Variants in KNTC1 observed in about 807,000 individuals in gnomAD.
KNTC1 encodes kinetochore associated 1.
KNTC1 carries 253 observed loss-of-function variants against 314.4 expected under a neutral mutation model. The observed-to-expected ratio is 0.80, with a 90% CI of 0.73 to 0.89. The LOEUF is 0.89. Ranked by LOEUF, KNTC1 falls within the 40% of genes least tolerant of loss-of-function variation. KNTC1 has a pLI of 0.00. For synonymous variants in KNTC1, 901 were observed against 901.4 expected (o/e 1.00, Z 0.01); for missense variants, 2,475 against 2,572.9 (o/e 0.96, Z 0.82).
chr12:122,622,276 CA>C (rs1318425395), intron 61 of KNTC1, among the ~76,000 whole-genome samples, 185 bp from the exon 62 acceptor site: 5 of 152,180 alleles, frequency 3.3e-5, no homozygotes, highest in Admixed American at 6.6e-5. Context: ...CTGATGCTGA[CA>C]GGCCTCCTTT....
chr12:122,575,746 A>G, intron 28 of KNTC1, 54 bp from the exon 29 acceptor site: 1 of 1,517,714 alleles, frequency 6.6e-7, no homozygotes, highest in South Asian at 1.2e-5. Context: ...GCTGTGTCCC[A>G]TAGTACTTCA....
chr12:122,582,642 A>C lies in KNTC1; in HGVS notation c.2983-63A>C. ...ATTATGAAAAAAAAAACTAATGAAAATGATTATTTTAAACAATAGATTAAA... is the reference window on the plus strand; with the variant it reads ...ATTATGAAAAAAAAAACTAATGAAACTGATTATTTTAAACAATAGATTAAA... On this transcript the variant is annotated intron_variant, in intron 33 of 63. Coordinates refer to ENST00000333479, the MANE Select transcript of KNTC1 (RefSeq NM_014708.6). The C allele has an allele frequency of 3.5e-6, 5 of 1,412,896 alleles. No homozygotes were observed. The South Asian group carries it at 7.3e-5, about 21-fold the overall frequency. 87.5% of individuals were successfully genotyped at this position (1,412,896 alleles called of 1,614,324 possible). A position where few individuals can be genotyped will look rare whatever the true frequency, so the allele number is the denominator to read the frequency against.
chr12:122,620,362 T>G (rs1454735537), intron 59 of KNTC1, 117 bp from the exon 60 acceptor site: 1 of 844,548 alleles, frequency 1.2e-6, no homozygotes, highest in African/African-American at 1.7e-5. Flanking sequence ...GCACCAGCAC[T>G]TTAGTGTTTA....
chr12:122,592,204 A>T (rs1280313671), intron 42 of KNTC1, among the ~76,000 whole-genome samples: 1 of 152,224 alleles, frequency 6.6e-6, no homozygotes, highest in East Asian at 1.9e-4. Context: ...GTCCCCCAGC[A>T]GTACCAGCCC....
intron 10 of KNTC1, 25 bp downstream of exon 10, chr12:122,546,699 T>C: frequency 7.1e-7 from 1 of 1,412,282 alleles, no homozygotes; most frequent in Non-Finnish European, 9.8e-7. Context: ...TCTCCTTCAA[T>C]GTTTTTACTT....
At chr12:122,613,072 T>C (rs749446916) in intron 53 of KNTC1, 40 bp from the exon 54 acceptor site, 6 of 1,016,102 alleles carry the variant, frequency 5.9e-6, no homozygotes, top group Non-Finnish European at 9.3e-6. Flanking sequence ...AACTACAATG[T>C]GCAGGTGTTC....
At chr12:122,620,661 T>C (rs932907233) in intron 60 of KNTC1, 53 bp downstream of exon 60, 2 of 1,578,090 alleles carry the variant, frequency 1.3e-6, no homozygotes, top group Admixed American at 1.8e-5. Flanking sequence ...GGTTTCATCT[T>C]GCATGTCCCT....
rs569817639 is a variant in KNTC1 at position 122,623,154 on chromosome 12, C to G, written c.6515+547C>G. ...ACCCCCAAATCAAGTGTCTCACAGCCCTGTTCTAAATCCTACATTACAATT... is the reference window on the plus strand; with the variant it reads ...ACCCCCAAATCAAGTGTCTCACAGCGCTGTTCTAAATCCTACATTACAATT... On this transcript the variant is annotated intron_variant, in intron 62 of 63. Coordinates refer to ENST00000333479, the MANE Select transcript of KNTC1 (RefSeq NM_014708.6). Among the ~76,000 whole-genome samples the G allele has an allele frequency of 2.6e-4, 39 of 152,260 alleles. 1 individual carries two copies. Among genetic ancestry groups the G allele is most frequent in the Admixed American group, 2.2e-3 (34 of 15,286 alleles).
intron 18 of KNTC1, among the ~76,000 whole-genome samples, chr12:122,561,446 A>G (rs999442541): frequency 1.3e-5 from 2 of 151,666 alleles, no homozygotes; most frequent in Non-Finnish European, 2.9e-5. Context: ...TTTGCTATTT[A>G]TTTATTTATT....
intron 44 of KNTC1, among the ~76,000 whole-genome samples, chr12:122,598,976 A>AT (rs555510605): frequency 8.4e-4 from 127 of 151,494 alleles, no homozygotes; most frequent in African/African-American, 2.8e-3. Flanking sequence ...TACCCCAGTA[A>AT]TTTTTTTAAT....
At chr12:122,530,448 A>G (rs1271605368) in intron 2 of KNTC1, among the ~76,000 whole-genome samples, 1 of 151,264 alleles carries the variant, frequency 6.6e-6, no homozygotes, top group Non-Finnish European at 1.5e-5. Context: ...GATACAAAGG[A>G]TATCTTTTTT....
chr12:122,613,167 T>C lies in KNTC1; in HGVS notation c.5678T>C (p.Leu1893Pro). Residue 1893 changes from leucine (L) to proline (P), a missense_variant, in exon 54 of 64, where the codon CTC becomes CCC. Leu to Pro is a moderately conservative substitution (Grantham distance 98, BLOSUM62 -3). Coordinates refer to ENST00000333479, the MANE Select transcript of KNTC1 (RefSeq NM_014708.6). ...FAHRTRALQCLFYLADKETIE... is the reference protein window; with the variant it reads ...FAHRTRALQCPFYLADKETIE... The stretch of plus-strand genomic sequence containing the variant: ...CATAGAACTCGAGCTCTTCAGTGTC[T>C]CTTCTATTTGGCTGACAAGGAAACT... 6.2e-7 allele frequency: 1 copy of C among 1,613,764 alleles called. No individual in the cohort carries two copies.
chr12:122,529,879 C>T (rs118108722), intron 1 of KNTC1, 112 bp from the exon 2 acceptor site: 98 of 505,844 alleles, frequency 1.9e-4, no homozygotes, highest in Middle Eastern at 5.4e-4. Context: ...GTTTAGTGGC[C>T]ACAGCAATAA....
At chr12:122,602,787 T>A in intron 46 of KNTC1, 42 bp from the exon 47 acceptor site, 1 of 1,611,408 alleles carries the variant, frequency 6.2e-7, no homozygotes, top group African/African-American at 1.3e-5. Context: ...TAGCCAAATT[T>A]TTTTTCTTAA....
rs762915098 is a variant in KNTC1, at chr12:122,568,984, C to T, written c.1716+612C>T. On this transcript the variant is annotated intron_variant, in intron 21 of 63. Transcript: ENST00000333479. ...TCTTGGGAGCTAAATGATGAGAACA[C>T]GTGGATGCATGGAGGGAAACACACA... is the stretch of plus-strand genomic sequence containing the variant. 2.6e-5 allele frequency among the ~76,000 whole-genome samples: 4 copies of T among 152,020 alleles called. No individual in the cohort carries two copies. In the East Asian group the frequency reaches 5.8e-4, roughly 22 times the overall value.
rs555696451 is a variant in KNTC1 at position 122,557,973 on chromosome 12, G to A, written c.1488+284G>A. On this transcript the variant is annotated intron_variant, in intron 18 of 63. Coordinates refer to ENST00000333479, the MANE Select transcript of KNTC1 (RefSeq NM_014708.6). ...CCCAAAAGAACCTCTATCCCAGACCGGACGTGGTGGCTCACGCCTTAATCC... is the reference window on the plus strand; with the variant it reads ...CCCAAAAGAACCTCTATCCCAGACCAGACGTGGTGGCTCACGCCTTAATCC... Among the ~76,000 whole-genome samples, 66 of 152,274 alleles carry A rather than the reference G, an allele frequency of 4.3e-4. 1 individual carries two copies. The South Asian group carries it at 4.4e-3, about 10-fold the overall frequency.
intron 1 of KNTC1, chr12:122,527,554 T>C (rs1960803255): frequency 6.6e-6 from 1 of 152,404 alleles, no homozygotes; most frequent in Admixed American, 6.5e-5. Context: ...GCTCATTCTC[T>C]CGTATTCGCG....
rs762656292 is a variant in KNTC1, at chr12:122,530,179, T to C, written c.116T>C (p.Ile39Thr). 2.5e-6 allele frequency: 4 copies of C among 1,613,314 alleles called. No individual in the cohort carries two copies. The highest frequency in any genetic ancestry group is 3.4e-6 in the Non-Finnish European group (4 of 1,179,530). The change falls in exon 2 of 64, where the codon ATC (isoleucine) becomes ACC (threonine). Residue 39 changes from isoleucine to threonine, a missense_variant. Physicochemically the swap from Ile to Thr is moderately conservative, Grantham distance 89 (BLOSUM62 -1). Transcript: ENST00000333479. The stretch of plus-strand genomic sequence containing the variant: ...TATCAAGTAGATTTGCTAGTGAAGA[T>C]CTCTTCTGAAAAGGTAGTGATTATT... ...ALYQVDLLVK[I>T]SSEKASLNPK...
intron 52 of KNTC1, 114 bp downstream of exon 52, chr12:122,609,544 CAG>C: frequency 2.9e-6 from 2 of 681,596 alleles, no homozygotes; most frequent in Non-Finnish European, 5.0e-6. Flanking sequence ...AAACTCAGGT[CAG>C]AGTCTATGAG....
Sources: gnomAD v4.1 joint callset for allele counts (sites outside exome capture counted in the v4.1 genomes callset) on GRCh38, gnomAD v4.1.1 for gene constraint, MANE v1.5 for transcripts, NCBI Gene and HGNC (gene_info 2026-07-23, HGNC 2026-07-21) for gene names.